MDN1: variants seen among roughly 807,000 people sequenced by gnomAD.
The protein encoded by MDN1 is midasin AAA ATPase 1.
Under a neutral mutation model 669.2 loss-of-function variants are expected in MDN1, and 266 were observed. That is an observed-to-expected ratio of 0.40 (90% CI 0.36 to 0.44). MDN1 has a LOEUF of 0.44. Ranked by LOEUF, MDN1 falls within the 20% of genes least tolerant of loss-of-function variation. MDN1 has a pLI of 1.00. For synonymous variants in MDN1, 2,385 were observed against 2,457.1 expected (o/e 0.97, Z 0.87); for missense variants, 5,940 against 6,754.0 (o/e 0.88, Z 4.22).
chr6:89,737,398 T>A (rs915694549), intron 33 of MDN1, among the ~76,000 whole-genome samples: 2 of 152,146 alleles, frequency 1.3e-5, no homozygotes, highest in African/African-American at 2.4e-5. Context: ...ATCTTTTTTT[T>A]ATATTCTTTA....
intron 43 of MDN1, 142 bp from the exon 44 acceptor site, chr6:89,716,951 G>T: frequency 2.1e-6 from 2 of 952,914 alleles, no homozygotes; most frequent in Non-Finnish European, 1.5e-6. Flanking sequence ...TTTTGCTTCT[G>T]TTTAAACACA....
At chr6:89,762,167 G>A (rs1425642849) in intron 16 of MDN1, 152 bp downstream of exon 16, 1 of 646,464 alleles carries the variant, frequency 1.5e-6, no homozygotes, top group Non-Finnish European at 2.6e-6. Flanking sequence ...GGAAATACGT[G>A]AATAATGGGG....
rs772460434 is a variant in MDN1 at position 89,743,211 on chromosome 6, C to T, written c.4387G>A (p.Gly1463Ser). 7.4e-6 allele frequency: 12 copies of T among 1,614,004 alleles called. No homozygotes were observed. The highest frequency in any genetic ancestry group is 6.7e-5 in the Admixed American group (4 of 60,016). The change falls in exon 31 of 102, where the codon GGC becomes AGC. Residue 1463 changes from glycine (G) to serine (S), a missense_variant. Gly to Ser is a moderately conservative substitution (Grantham distance 56). Transcript: ENST00000369393. ...GAGATCTCATCCAAGAGGAAAAAGC[C>T]GTCCTCCTTCATGGCCTGAACCAGA... ...GPLVQAMKEDGFFLLDEISLA... is the reference protein window; with the variant it reads ...GPLVQAMKEDSFFLLDEISLA...
intron 44 of MDN1, among the ~76,000 whole-genome samples, chr6:89,716,143 G>A (rs547441888): frequency 1.2e-4 from 19 of 152,204 alleles, no homozygotes; most frequent in African/African-American, 4.6e-4. Flanking sequence ...TAAATGCTCC[G>A]TGAAGAAATA....
chr6:89,656,519 G>A (rs1809313237), intron 91 of MDN1, among the ~76,000 whole-genome samples, 181 bp downstream of exon 91: 1 of 152,068 alleles, frequency 6.6e-6, no homozygotes, highest in Non-Finnish European at 1.5e-5. Flanking sequence ...GCCGTGACGG[G>A]ATCCCACTGG....
chr6:89,793,806 A>G lies in MDN1; in HGVS notation c.811T>C (p.Cys271Arg). Reference sequence around the variant, plus strand: ...AGCTGCCCAGGCAGCACCACACCACAAACAGCTGTCACCCTAGGGGAGAGG... The same window carrying G: ...AGCTGCCCAGGCAGCACCACACCACGAACAGCTGTCACCCTAGGGGAGAGG... ...SDLSPRVTAV[C>R]GVVLPGQLPA... Residue 271 changes from cysteine (C) to arginine (R), a missense_variant, in exon 5 of 102, where the codon TGT becomes CGT. Around this residue, in one of 5 missense-constraint regions of MDN1, gnomAD observed 1,203 missense variants for 1,268.9 expected, o/e 0.95. Transcript: ENST00000369393. 1.2e-6 allele frequency: 2 copies of G among 1,614,130 alleles called. No individual in the cohort carries two copies. Among genetic ancestry groups the G allele is most frequent in the Non-Finnish European group, 1.7e-6 (2 of 1,179,996 alleles).
chr6:89,695,617 G>A lies in MDN1; in HGVS notation c.9759C>T (p.Tyr3253=), dbSNP rs1052459347. ...TTGCCTCCCATACCTCTTCCTTGAC[G>A]TAATTGAGCTTGTACTCCCTCTTCA... The part of the protein sequence containing the change: ...PAVKREYKLN[Y]VKEELHQLQC... The change falls in exon 61 of 102, where the codon TAC becomes TAT. Residue 3253 remains tyrosine, a synonymous_variant. Transcript: ENST00000369393. The surrounding 1 kb of genome is among the most constrained non-coding windows in gnomAD (Gnocchi z 4.1). 19 of 1,595,690 alleles carry A rather than the reference G, an allele frequency of 1.2e-5. No homozygotes were observed. Among genetic ancestry groups the A allele is most frequent in the East Asian group, 9.0e-5 (4 of 44,432 alleles).
intron 1 of MDN1, chr6:89,814,736 G>A: frequency 2.7e-6 from 1 of 365,342 alleles, no homozygotes; most frequent in African/African-American, 2.1e-5. Flanking sequence ...CCAGCACCAG[G>A]AGCAGCCGCT....
chr6:89,710,900 C>A (rs1813863459), intron 49 of MDN1, 106 bp from the exon 50 acceptor site: 6 of 643,010 alleles, frequency 9.3e-6, no homozygotes, highest in African/African-American at 5.8e-5. Context: ...AACCACTAGT[C>A]ACATATGAGG....
intron 33 of MDN1, among the ~76,000 whole-genome samples, chr6:89,737,295 T>G (rs1816036080): frequency 6.6e-6 from 1 of 152,218 alleles, no homozygotes; most frequent in Non-Finnish European, 1.5e-5. Flanking sequence ...TTAGATGCTC[T>G]CTACAGCTAC....
chr6:89,644,257 T>G, intron 101 of MDN1, 64 bp from the exon 102 acceptor site: 61 of 1,341,946 alleles, frequency 4.5e-5, no homozygotes, highest in Non-Finnish European at 5.3e-5. Flanking sequence ...TAGCTAGCTC[T>G]TCTGTGATCT....
intron 9 of MDN1, among the ~76,000 whole-genome samples, chr6:89,784,378 T>C (rs182360174): frequency 4.9e-4 from 75 of 152,248 alleles, no homozygotes; most frequent in African/African-American, 1.7e-3. Flanking sequence ...TATTTACCTA[T>C]ATACCTACAT....
At chr6:89,743,417 C>T (rs1816397662) in intron 30 of MDN1, 137 bp from the exon 31 acceptor site, 2 of 1,366,232 alleles carry the variant, frequency 1.5e-6, no homozygotes. Flanking sequence ...ATAGAACTTG[C>T]ACACCAGAAT....
At chr6:89,815,304 G>T (rs531485766) in intron 1 of MDN1, 2 of 478,758 alleles carry the variant, frequency 4.2e-6, no homozygotes, top group Non-Finnish European at 8.3e-6. Context: ...CAGGAATTCG[G>T]CATCTCCAGA....
chr6:89,700,544 A>T, intron 56 of MDN1, 102 bp downstream of exon 56: 5 of 1,160,016 alleles, frequency 4.3e-6, no homozygotes, highest in African/African-American at 1.6e-5. Flanking sequence ...TCTACCCCTC[A>T]CATCACCCAG....
At chr6:89,756,001 C>T (rs1210110792) in intron 20 of MDN1, among the ~76,000 whole-genome samples, 2 of 152,164 alleles carry the variant, frequency 1.3e-5, no homozygotes, top group African/African-American at 4.8e-5. Flanking sequence ...AGAATTCAAA[C>T]CCTCAGCTAT....
chr6:89,746,608 AAAAAAAGAAAGAAAG>A (rs757694468), intron 27 of MDN1, among the ~76,000 whole-genome samples: 36,760 of 114,770 alleles, frequency 0.32, 6,342 homozygotes, highest in African/African-American at 0.39. Context: ...AAAAAAAAAA[AAAAAAAGAAAGAAAG>A]AAAGAAAGAA....
chr6:89,770,996 G>C (rs914657378), intron 15 of MDN1, among the ~76,000 whole-genome samples: 1 of 152,156 alleles, frequency 6.6e-6, no homozygotes, highest in Non-Finnish European at 1.5e-5. Flanking sequence ...CTGTGGTTGG[G>C]GGGTAAGGTG....
intron 64 of MDN1, 85 bp from the exon 65 acceptor site, chr6:89,690,228 A>G: frequency 7.1e-7 from 1 of 1,405,690 alleles, no homozygotes. Context: ...AAAAAGCATA[A>G]GAATGACTGA....
Sources: allele counts gnomAD v4.1 joint callset (sites outside exome capture counted in the v4.1 genomes callset), GRCh38; gene constraint gnomAD v4.1.1; regional missense constraint gnomAD v4.1.1; non-coding constraint Gnocchi (gnomAD v3.1); transcripts MANE v1.5; gene names NCBI Gene and HGNC (gene_info 2026-07-23, HGNC 2026-07-21).